Variants in PREX2 observed in about 807,000 individuals in gnomAD.
PREX2 encodes phosphatidylinositol 3,4,5-trisphosphate-dependent Rac exchanger 2 protein.
In PREX2, 107 loss-of-function variants were observed where a neutral mutation model predicts 203.2. The ratio of observed to expected loss-of-function variants is 0.53; its 90% CI spans 0.45 to 0.62. The LOEUF is 0.62. PREX2 is among the 20% of genes least tolerant of loss of function. PREX2 has a pLI of 0.00. For synonymous variants in PREX2, 672 were observed against 663.6 expected, an observed-to-expected ratio of 1.01 and a Z score of -0.19; for missense variants, 1,777 against 1,955.9, an observed-to-expected ratio of 0.91 and a Z score of 1.72.
At chr8:68,178,909 T>C (rs1008263366) in intron 35 of PREX2, among the ~76,000 whole-genome samples, 2 of 152,210 alleles carry the variant, frequency 1.3e-5, no homozygotes, top group Admixed American at 6.5e-5. Flanking sequence ...CAATTTTATT[T>C]CTCTAATTTA....
intron 35 of PREX2, among the ~76,000 whole-genome samples, chr8:68,169,281 C>A (rs944473686): frequency 3.3e-5 from 5 of 152,074 alleles, no homozygotes; most frequent in Non-Finnish European, 5.9e-5. Context: ...AGGCCACGCA[C>A]CCATTCCTGG....
chr8:68,232,762 T>C lies in PREX2; in HGVS notation c.*1384T>C, dbSNP rs7004629. 0.27 allele frequency: 41,470 copies of C among 151,968 alleles called. 6,179 individuals carry two copies. The highest frequency in any genetic ancestry group is 0.46 in the South Asian group (2,216 of 4,822). 9.4% of individuals were successfully genotyped at this position (151,968 alleles called of 1,614,324 possible). On this transcript the variant is annotated 3_prime_UTR_variant, in exon 40 of 40. Transcript: ENST00000288368. ...GCCTCCCAGGAGCTGGGACTACAGG[T>C]GTGCACCACCATGCTCAGCTAATTT... is the stretch of plus-strand genomic sequence containing the variant.
chr8:67,977,348 T>C (rs7006069), intron 1 of PREX2, among the ~76,000 whole-genome samples: 22,949 of 152,246 alleles, frequency 0.15, 1,842 homozygotes, highest in Middle Eastern at 0.18. Context: ...CAGTTGATGG[T>C]AATTTGTTTT....
At position 68,134,948 on chromosome 8, in the gene PREX2, G is replaced by A. The variant is rs112494999; in HGVS notation, c.3984+672G>A. 6.4e-3 allele frequency among the ~76,000 whole-genome samples: 975 copies of A among 152,264 alleles called. 12 individuals are homozygous for A. Among genetic ancestry groups the A allele is most frequent in the African/African-American group, 0.022 (912 of 41,554 alleles). On this transcript the variant is annotated intron_variant, in intron 32 of 39. Coordinates refer to ENST00000288368, the MANE Select transcript of PREX2 (RefSeq NM_024870.4). ...CTGTGGTTTGGATAGTTATCATCAT[G>A]TTTAAAAGCAAATGTGTTCACTTTA...
intron 38 of PREX2, among the ~76,000 whole-genome samples, chr8:68,221,467 G>T (rs1812952164): frequency 6.6e-6 from 1 of 151,450 alleles, no homozygotes. Flanking sequence ...TAGTGTTGTT[G>T]TGAGGATTAA....
At chr8:68,008,921 T>G (rs538352105) in intron 1 of PREX2, among the ~76,000 whole-genome samples, 3 of 152,224 alleles carry the variant, frequency 2.0e-5, no homozygotes, top group Non-Finnish European at 4.4e-5. Flanking sequence ...AAATTACCTT[T>G]TCTCCGGTAT....
At chr8:68,200,323 A>G (rs943829209) in intron 37 of PREX2, among the ~76,000 whole-genome samples, 5 of 152,168 alleles carry the variant, frequency 3.3e-5, no homozygotes, top group Non-Finnish European at 7.4e-5. Context: ...TGGTACCACT[A>G]TCTTTTCATA....
chr8:67,993,660 G>A (rs751657441), intron 1 of PREX2, among the ~76,000 whole-genome samples: 3 of 151,974 alleles, frequency 2.0e-5, no homozygotes, highest in African/African-American at 7.3e-5. Flanking sequence ...TACCTGCCTC[G>A]GCCTCCCAAA....
chr8:68,073,178 T>G (rs1809249530), intron 14 of PREX2, among the ~76,000 whole-genome samples: 1 of 151,142 alleles, frequency 6.6e-6, no homozygotes, highest in African/African-American at 2.4e-5. Flanking sequence ...ATTCAAAAGT[T>G]TAAGTATTGG....
chr8:68,208,527 A>G lies in PREX2; in HGVS notation c.4605-9089A>G, dbSNP rs377090041. Among the ~76,000 whole-genome samples, 25 of 152,298 alleles carry G rather than the reference A, an allele frequency of 1.6e-4. 1 individual carries two copies. The East Asian group carries it at 1.9e-3, about 12-fold the overall frequency. On this transcript the variant is annotated intron_variant, in intron 37 of 39. Coordinates refer to ENST00000288368, the MANE Select transcript of PREX2 (RefSeq NM_024870.4). ...CATTTCTTTTAACTTCTCTCTTATC[A>G]GGTTCAGTGAATTTCTAACACATCT...
intron 34 of PREX2, among the ~76,000 whole-genome samples, chr8:68,149,896 A>G (rs1811400745): frequency 6.6e-6 from 1 of 152,246 alleles, no homozygotes; most frequent in South Asian, 2.1e-4. Flanking sequence ...TCTTTATTTA[A>G]TTAGACTAAT....
At chr8:67,991,121 A>G (rs1277807642) in intron 1 of PREX2, among the ~76,000 whole-genome samples, 1 of 152,174 alleles carries the variant, frequency 6.6e-6, no homozygotes, top group Non-Finnish European at 1.5e-5. Context: ...TTGATTTTAG[A>G]ATCATGTTTA....
At chr8:67,993,495 C>T (rs4737878) in intron 1 of PREX2, among the ~76,000 whole-genome samples, 33,338 of 151,174 alleles carry the variant, frequency 0.22, 4,777 homozygotes, top group East Asian at 0.54. Flanking sequence ...CAACCTCCGC[C>T]TCCCAGGCTC....
At chr8:68,109,361 G>T (rs1796449806) in intron 24 of PREX2, 55 bp from the exon 25 acceptor site, 3 of 1,312,010 alleles carry the variant, frequency 2.3e-6, no homozygotes, top group Non-Finnish European at 3.2e-6. Flanking sequence ...GGACTGGGTT[G>T]TTATCGCAAG....
chr8:68,076,671 A>G lies in PREX2; in HGVS notation c.1570-726A>G, dbSNP rs539169553. Among the ~76,000 whole-genome samples the G allele has an allele frequency of 2.0e-4, 29 of 143,956 alleles. 1 individual carries two copies. The highest frequency in any genetic ancestry group is 5.1e-4 in the Admixed American group (7 of 13,726). 94.4% of individuals were successfully genotyped at this position (143,956 alleles called of 152,430 possible). On this transcript the variant is annotated intron_variant, in intron 14 of 39. Coordinates refer to ENST00000288368, the MANE Select transcript of PREX2 (RefSeq NM_024870.4). ...GAAAAAAGCTGCTTGAACTGTAACA[A>G]TACAACTCTAAGGTCACACACACAC... is the stretch of plus-strand genomic sequence containing the variant.
chr8:67,961,052 G>A (rs1163276017), intron 1 of PREX2, among the ~76,000 whole-genome samples: 1 of 151,092 alleles, frequency 6.6e-6, no homozygotes, highest in Non-Finnish European at 1.5e-5. Context: ...TACATTTGAT[G>A]CACATATCAG....
At chr8:68,105,178 A>C (rs1446250543) in intron 23 of PREX2, 1 of 1,367,592 alleles carries the variant, frequency 7.3e-7, no homozygotes, top group African/African-American at 1.5e-5. Context: ...ACAGCACGGC[A>C]TGCTGTCTGG....
At chr8:68,228,765 C>CTAAATAAATAAATAAATAAATAAA (rs59480721) in intron 39 of PREX2, among the ~76,000 whole-genome samples, 1 of 140,604 alleles carries the variant, frequency 7.1e-6, no homozygotes, top group Non-Finnish European at 1.5e-5. Context: ...GACTCCGTCT[C>CTAAATAAATAAATAAATAAATAAA]TAAATAAATA....
chr8:68,087,167 G>A (rs1186774918), intron 18 of PREX2, among the ~76,000 whole-genome samples: 1 of 152,140 alleles, frequency 6.6e-6, no homozygotes, highest in South Asian at 2.1e-4. Context: ...ATCTTTCTGT[G>A]TCAGAGTAGT....
Sources: allele counts gnomAD v4.1 joint callset (sites outside exome capture counted in the v4.1 genomes callset), GRCh38; gene constraint gnomAD v4.1.1; transcripts MANE v1.5; gene names NCBI Gene and HGNC (gene_info 2026-07-23, HGNC 2026-07-21).